Variants in COBL observed in about 807,000 individuals in gnomAD.
The protein encoded by COBL is protein cordon-bleu.
In COBL, 51 loss-of-function variants were observed where a neutral mutation model predicts 98.8. The ratio of observed to expected loss-of-function variants is 0.52; its 90% CI spans 0.41 to 0.65. The LOEUF (loss-of-function observed/expected upper bound fraction) is 0.65. Among genes scored for constraint, COBL ranks in the 30% least tolerant of loss-of-function variants. The pLI, the probability that COBL is intolerant of heterozygous loss-of-function variation, is 0.00. For synonymous variants in COBL, 634 were observed against 651.7 expected (o/e 0.97, Z 0.41); for missense variants, 1,617 against 1,617.5 (o/e 1.00, Z 0.01).
intron 5 of COBL, among the ~76,000 whole-genome samples, chr7:51,158,708 T>C (rs1326615090): frequency 6.6e-6 from 1 of 151,756 alleles, no homozygotes; most frequent in Non-Finnish European, 1.5e-5. Flanking sequence ...TGGAAAAGAA[T>C]GCAGGCAAAA....
chr7:51,127,368 C>T (rs745932332), intron 6 of COBL, among the ~76,000 whole-genome samples: 2 of 152,142 alleles, frequency 1.3e-5, no homozygotes, highest in East Asian at 1.9e-4. Context: ...AACTAAACAG[C>T]GGAGCATGAC....
At chr7:51,155,506 T>C (rs7790999) in intron 5 of COBL, among the ~76,000 whole-genome samples, 10,657 of 145,850 alleles carry the variant, frequency 0.073, 417 homozygotes, top group Middle Eastern at 0.12. Flanking sequence ...AGGAGAATCA[T>C]TTGAACCTGG....
At chr7:51,153,895 T>C (rs1029467300) in intron 5 of COBL, among the ~76,000 whole-genome samples, 1 of 152,220 alleles carries the variant, frequency 6.6e-6, no homozygotes, top group Non-Finnish European at 1.5e-5. Context: ...CCTTAAGTTC[T>C]CGCCAATAAA....
rs762604502 is a variant in COBL at position 51,025,100 on chromosome 7, C to CG, written c.3768+8dup. ...CCCCATTGAAATGCGCACACACAGT[C>CG]GCCATCACCTTTCTCAGTCTCGCAG... On this transcript the variant is annotated intron_variant, in intron 12 of 12. Transcript: ENST00000265136. 64 of 1,611,822 alleles carry CG rather than the reference C, an allele frequency of 4.0e-5. No individual in the cohort carries two copies. Among genetic ancestry groups the CG allele is most frequent in the Non-Finnish European group, 5.2e-5 (61 of 1,179,864 alleles).
chr7:51,131,363 G>T (rs1401333410), intron 6 of COBL, among the ~76,000 whole-genome samples: 1 of 152,018 alleles, frequency 6.6e-6, no homozygotes, highest in Non-Finnish European at 1.5e-5. Context: ...ATATATTTGT[G>T]GATAATGAAA....
chr7:51,096,182 A>C lies in COBL; in HGVS notation c.958-10878T>G, dbSNP rs567503327. ...TCAAATATCTTTTCTGACTATAAAT[A>C]ATGGAATGAAGCTAGAAATCAATAG... On this transcript the variant is annotated intron_variant, in intron 6 of 12. Coordinates refer to ENST00000265136, the MANE Select transcript of COBL (RefSeq NM_015198.5). 5.4e-4 allele frequency among the ~76,000 whole-genome samples: 82 copies of C among 152,310 alleles called. 1 individual carries two copies. The highest frequency in any genetic ancestry group is 1.8e-3 in the African/African-American group (76 of 41,592).
chr7:51,156,350 G>A (rs1786131164), intron 5 of COBL: 21 of 985,142 alleles, frequency 2.1e-5, no homozygotes, highest in Non-Finnish European at 2.3e-5. Context: ...AATTATCTCA[G>A]TTTGAAGCTC....
intron 8 of COBL, among the ~76,000 whole-genome samples, chr7:51,041,412 G>A (rs1222793830): frequency 6.7e-6 from 1 of 149,820 alleles, no homozygotes; most frequent in Non-Finnish European, 1.5e-5. Flanking sequence ...TATTATAAAA[G>A]CATTCATTCA....
intron 1 of COBL, among the ~76,000 whole-genome samples, chr7:51,255,213 C>T (rs145253649): frequency 0.011 from 1,647 of 152,286 alleles, 24 homozygotes; most frequent in African/African-American, 0.037. Context: ...ATAATCCTAG[C>T]GACCTCCTTC....
intron 2 of COBL, among the ~76,000 whole-genome samples, chr7:51,209,046 TAAAA>T (rs572689062): frequency 0.053 from 2,305 of 43,254 alleles, 61 homozygotes; most frequent in South Asian, 0.15. Context: ...AATGATCAAT[TAAAA>T]AAAAAAAAAA....
At chr7:51,152,927 A>G (rs1174810715) in intron 5 of COBL, among the ~76,000 whole-genome samples, 1 of 152,252 alleles carries the variant, frequency 6.6e-6, no homozygotes, top group Non-Finnish European at 1.5e-5. Flanking sequence ...CCCCCAGATC[A>G]AGAATCCTCT....
intron 5 of COBL, among the ~76,000 whole-genome samples, chr7:51,144,710 C>T (rs1187624380): frequency 6.6e-6 from 1 of 152,150 alleles, no homozygotes; most frequent in East Asian, 1.9e-4. Flanking sequence ...ATCCCCTTTC[C>T]CCACCCCAGT....
intron 1 of COBL, among the ~76,000 whole-genome samples, chr7:51,267,017 C>T (rs764579728): frequency 2.0e-5 from 3 of 152,048 alleles, no homozygotes; most frequent in African/African-American, 7.2e-5. Flanking sequence ...CAGGGCTTTG[C>T]GATAAACCCA....
At chr7:51,241,643 T>C (rs1795805962) in intron 1 of COBL, among the ~76,000 whole-genome samples, 1 of 152,256 alleles carries the variant, frequency 6.6e-6, no homozygotes, top group Admixed American at 6.5e-5. Context: ...AGTCTGTACA[T>C]GTGACAAATG....
rs1212707187 is a variant in COBL at position 51,030,803 on chromosome 7, G to A, written c.1504+9C>T. 1.3e-6 allele frequency: 2 copies of A among 1,571,550 alleles called. No homozygotes were observed. Among genetic ancestry groups the A allele is most frequent in the East Asian group, 4.5e-5 (2 of 44,648 alleles). ...ATAATATCAGAGTAGCGGATCAGGT[G>A]GTTCTTACCTTCCAGGTCTTCATCA... On this transcript the variant is annotated intron_variant, in intron 9 of 12. Transcript: ENST00000265136.
chr7:51,179,933 GT>G (rs533309845), intron 5 of COBL, among the ~76,000 whole-genome samples: 9 of 152,282 alleles, frequency 5.9e-5, no homozygotes, highest in African/African-American at 2.2e-4. Context: ...TTCTTTTCAT[GT>G]TTTGTTTTCT....
rs1320098660 is a variant in COBL, at chr7:51,184,172, T to C, written c.713A>G (p.Asn238Ser). The C allele has an allele frequency of 4.5e-6, 7 of 1,564,062 alleles. No individual in the cohort carries two copies. Among genetic ancestry groups the C allele is most frequent in the South Asian group, 1.2e-5 (1 of 81,684 alleles). Reference protein sequence around the residue: ...RETFRKSSLGNDETDKEKKKF... With the variant: ...RETFRKSSLGSDETDKEKKKF... ...TTTCTTCTCTTTATCTGTCTCATCA[T>C]TGCCAAGTGATGATTTCCTAAAGGT... Residue 238 changes from asparagine to serine, a missense_variant, in exon 5 of 13, where the codon AAT (asparagine) becomes AGT (serine). Coordinates refer to ENST00000265136, the MANE Select transcript of COBL (RefSeq NM_015198.5).
At chr7:51,267,816 C>T (rs57638806) in intron 1 of COBL, among the ~76,000 whole-genome samples, 9,754 of 152,154 alleles carry the variant, frequency 0.064, 546 homozygotes, top group East Asian at 0.3. Flanking sequence ...ACAAGTGATC[C>T]GCCTGCCTCA....
intron 1 of COBL, among the ~76,000 whole-genome samples, chr7:51,252,896 C>T (rs768458220): frequency 5.4e-4 from 82 of 152,192 alleles, no homozygotes; most frequent in Middle Eastern, 3.4e-3. Context: ...TGATTCTTGC[C>T]CAGGTCAAGG....
Sources: allele counts gnomAD v4.1 joint callset (sites outside exome capture counted in the v4.1 genomes callset), GRCh38; gene constraint gnomAD v4.1.1; transcripts MANE v1.5; gene names NCBI Gene and HGNC (gene_info 2026-07-23, HGNC 2026-07-21).